Variants in TLN2 observed in about 807,000 individuals in gnomAD.
TLN2 encodes the protein talin-2.
In TLN2, 118 loss-of-function variants were observed where a neutral mutation model predicts 294.7. The ratio of observed to expected loss-of-function variants is 0.40; its 90% confidence interval spans 0.34 to 0.47. TLN2 has a LOEUF of 0.47. Ranked by LOEUF, TLN2 falls within the 20% of genes least tolerant of loss-of-function variation. TLN2 has a pLI of 0.84. For missense variants in TLN2, 3,083 were observed against 3,282.2 expected, an observed-to-expected ratio of 0.94 and a Z score of 1.48; for synonymous variants, 1,431 against 1,304.5, an observed-to-expected ratio of 1.10 and a Z score of -2.09.
chr15:62,800,612 A>G (rs745947937), intron 49 of TLN2, 41 bp from the exon 50 acceptor site: 7 of 1,612,072 alleles, frequency 4.3e-6, no homozygotes, highest in African/African-American at 1.3e-5. Flanking sequence ...GCTGGACCTG[A>G]GTCACTGCAC....
At chr15:62,683,769 C>G (rs553605650) in intron 11 of TLN2, among the ~76,000 whole-genome samples, 4 of 152,128 alleles carry the variant, frequency 2.6e-5, no homozygotes, top group Non-Finnish European at 5.9e-5. Flanking sequence ...CCTGCTTTGT[C>G]TACTGGAGAT....
intron 2 of TLN2, among the ~76,000 whole-genome samples, chr15:62,601,159 G>A (rs373391034): frequency 4.6e-5 from 7 of 152,234 alleles, no homozygotes; most frequent in African/African-American, 1.7e-4. Context: ...TTCCTTTCCA[G>A]TCTTGGGATG....
chr15:62,727,090 G>T lies in TLN2; in HGVS notation c.3259G>T (p.Glu1087Ter). ...QLKPLPGETL[E>*]KCAQDLGSTS... ...CCCTCCTTGAATATTCTTGTAGCTG[G>T]AAAAATGTGCTCAGGACCTGGGAAG... is the stretch of plus-strand genomic sequence containing the variant. The change falls in exon 28 of 59, where the codon GAA (glutamate) becomes TAA (stop). Residue 1087 changes from glutamate to a stop codon, truncating the protein, a stop_gained. Transcript: ENST00000636159. LOFTEE classifies it high-confidence loss of function. The T allele has an allele frequency of 6.2e-7, 1 of 1,614,024 alleles. No homozygotes were observed. The highest frequency in any genetic ancestry group is 8.5e-7 in the Non-Finnish European group (1 of 1,179,968).
chr15:62,692,149 C>G (rs148890982), intron 12 of TLN2, among the ~76,000 whole-genome samples: 9 of 152,296 alleles, frequency 5.9e-5, no homozygotes, highest in African/African-American at 1.2e-4. Flanking sequence ...CACTAAGGTT[C>G]CTGCTCAAAC....
At chr15:62,581,259 C>G (rs1206442659) in intron 1 of TLN2, among the ~76,000 whole-genome samples, 1 of 152,174 alleles carries the variant, frequency 6.6e-6, no homozygotes, top group Non-Finnish European at 1.5e-5. Context: ...AGTATGTAGC[C>G]TTTTCAGATT....
At chr15:62,560,653 T>G (rs2042883243) in intron 1 of TLN2, among the ~76,000 whole-genome samples, 1 of 152,242 alleles carries the variant, frequency 6.6e-6, no homozygotes, top group South Asian at 2.1e-4. Flanking sequence ...TGTGAAATTT[T>G]TCTGTGCCTC....
intron 1 of TLN2, among the ~76,000 whole-genome samples, chr15:62,573,638 C>A (rs1244583265): frequency 6.6e-6 from 1 of 152,094 alleles, no homozygotes; most frequent in African/African-American, 2.4e-5. Flanking sequence ...AAGAACCTGC[C>A]CATTTCCCAT....
chr15:62,520,920 T>G (rs528652707), intron 1 of TLN2, among the ~76,000 whole-genome samples: 40 of 152,370 alleles, frequency 2.6e-4, no homozygotes, highest in African/African-American at 9.6e-4. Flanking sequence ...ACTCCTTACA[T>G]ACTTAGTCCT....
At chr15:62,710,539 A>G (rs2059357270) in intron 21 of TLN2, among the ~76,000 whole-genome samples, 1 of 152,140 alleles carries the variant, frequency 6.6e-6, no homozygotes, top group Non-Finnish European at 1.5e-5. Context: ...TAAATTTGCA[A>G]AAAAGTTGCA....
chr15:62,658,072 G>C, intron 9 of TLN2, 174 bp downstream of exon 9: 1 of 534,522 alleles, frequency 1.9e-6, no homozygotes. Flanking sequence ...GGGAAAGCAA[G>C]AGAAATTCAG....
intron 1 of TLN2, among the ~76,000 whole-genome samples, chr15:62,431,240 C>T (rs1469024179): frequency 6.6e-6 from 1 of 151,710 alleles, no homozygotes; most frequent in Non-Finnish European, 1.5e-5. Context: ...AGAGCTTTTC[C>T]CTTTGGAGAA....
chr15:62,655,457 C>G (rs914355388), intron 7 of TLN2, among the ~76,000 whole-genome samples: 3 of 152,120 alleles, frequency 2.0e-5, no homozygotes, highest in African/African-American at 7.2e-5. Flanking sequence ...CATTTTCTTC[C>G]TCTTTTCTAC....
chr15:62,725,619 T>C (rs1426112113), intron 27 of TLN2, among the ~76,000 whole-genome samples: 1 of 152,182 alleles, frequency 6.6e-6, no homozygotes, highest in Admixed American at 6.5e-5. Context: ...CTTCCTTACA[T>C]GACTGAACAT....
chr15:62,538,511 A>G (rs997413760), intron 1 of TLN2, among the ~76,000 whole-genome samples: 2 of 152,220 alleles, frequency 1.3e-5, no homozygotes, highest in African/African-American at 2.4e-5. Context: ...TGTATAGCAG[A>G]AAGTTCCTTT....
intron 1 of TLN2, among the ~76,000 whole-genome samples, chr15:62,486,978 A>C (rs779435919): frequency 4.6e-5 from 7 of 152,198 alleles, no homozygotes; most frequent in Non-Finnish European, 8.8e-5. Context: ...CCCTTGTAGC[A>C]ACTGTGAGAT....
intron 18 of TLN2, 54 bp from the exon 19 acceptor site, chr15:62,702,712 G>A (rs1375483248): frequency 1.3e-6 from 2 of 1,531,332 alleles, no homozygotes; most frequent in East Asian, 4.5e-5. Flanking sequence ...CATGTCTGAT[G>A]GCACTGGAGG....
intron 9 of TLN2, among the ~76,000 whole-genome samples, chr15:62,672,318 A>G (rs2055528889): frequency 6.6e-6 from 1 of 152,186 alleles, no homozygotes; most frequent in South Asian, 2.1e-4. Flanking sequence ...AAGGTGACCA[A>G]TGATTTTTTA....
intron 1 of TLN2, among the ~76,000 whole-genome samples, chr15:62,461,476 T>C (rs1458846445): frequency 2.0e-5 from 3 of 152,226 alleles, no homozygotes; most frequent in Non-Finnish European, 2.9e-5. Context: ...TATAGAGCAA[T>C]ACGAATAATG....
chr15:62,789,872 A>T (rs1260793956), intron 45 of TLN2, among the ~76,000 whole-genome samples: 3 of 152,190 alleles, frequency 2.0e-5, no homozygotes, highest in Admixed American at 1.3e-4. Flanking sequence ...TATTGTAGAA[A>T]CTGTTAGGAA....
Sources: allele counts gnomAD v4.1 joint callset (sites outside exome capture counted in the v4.1 genomes callset), GRCh38; gene constraint gnomAD v4.1.1; transcripts MANE v1.5; gene names NCBI Gene and HGNC (gene_info 2026-07-23, HGNC 2026-07-21).